The following WNT5A variants were observed in gnomAD, a reference collection of about 807,000 sequenced individuals.
WNT5A encodes Wnt family member 5A.
Under a neutral mutation model 42.1 loss-of-function variants are expected in WNT5A, and 9 were observed. That is an observed-to-expected ratio of 0.21 (90% CI 0.13 to 0.37). The LOEUF (loss-of-function observed/expected upper bound fraction) is 0.37, where lower values mean the gene tolerates loss of function less well. Among genes scored for constraint, WNT5A ranks in the 10% least tolerant of loss-of-function variants. WNT5A has a pLI of 1.00. For missense variants in WNT5A, 426 were observed against 534.0 expected, an observed-to-expected ratio of 0.80 and a Z score of 1.99; for synonymous variants, 210 against 210.0, an observed-to-expected ratio of 1.00 and a Z score of 0.00.
Position 55,467,892 on chromosome 3 carries a change from A to C in WNT5A, c.*2200T>G, listed in dbSNP as rs374485466. The C allele has an allele frequency of 3.7e-4, 57 of 152,344 alleles. No individual in the cohort carries two copies. The highest frequency in any genetic ancestry group is 1.3e-3 in the African/African-American group (53 of 41,586). 9.4% of individuals were successfully genotyped at this position (152,344 alleles called of 1,614,324 possible). A position where few individuals can be genotyped will look rare whatever the true frequency, so the allele number is the denominator to read the frequency against. The stretch of plus-strand genomic sequence containing the variant: ...ATGGTTTTTGTATAATAAAAACCAA[A>C]AAAGTGACATTTTAAACTAATTAGT... On this transcript the variant is annotated 3_prime_UTR_variant, in exon 5 of 5. Transcript: ENST00000264634.
chr3:55,476,710 C>T (rs1027654889), intron 3 of WNT5A, among the ~76,000 whole-genome samples: 5 of 152,194 alleles, frequency 3.3e-5, no homozygotes, highest in African/African-American at 7.2e-5. Flanking sequence ...GCAGGGTAAA[C>T]GTCAGTTTGA....
chr3:55,486,973 CACCT>C lies in WNT5A; in HGVS notation c.6+3_6+6del. The C allele has an allele frequency of 6.2e-7, 1 of 1,612,018 alleles. No homozygotes were observed. The highest frequency in any genetic ancestry group is 8.5e-7 in the Non-Finnish European group (1 of 1,178,786). The stretch of plus-strand genomic sequence containing the variant: ...AGAAAAAAAGTGGCAGCGCACTGAA[CACCT>C]ACCTTCATGGCGAGGGGGAGGGGGC... On this transcript the variant is annotated splice_donor_5th_base_variant and intron_variant, in intron 1 of 4. Coordinates refer to ENST00000264634, the MANE Select transcript of WNT5A (RefSeq NM_003392.7).
chr3:55,480,643 T>TA, intron 2 of WNT5A, 142 bp downstream of exon 2: 1 of 878,402 alleles, frequency 1.1e-6, no homozygotes, highest in African/African-American at 1.7e-5. Flanking sequence ...GATTTAAAAC[T>TA]ATATATAAGT....
the WNT5A span, among the ~76,000 whole-genome samples, chr3:55,502,604 T>C: frequency 6.6e-6 from 1 of 152,222 alleles, no homozygotes. Flanking sequence ...CCAAAAGTCC[T>C]AGTAGGTTTC....
intron 1 of WNT5A, among the ~76,000 whole-genome samples, chr3:55,484,899 G>A (rs1368858361): frequency 6.6e-6 from 1 of 152,196 alleles, no homozygotes; most frequent in African/African-American, 2.4e-5. Context: ...ATTAAAGTGA[G>A]GCGAAAAGCG....
chr3:55,496,725 A>G, the WNT5A span, among the ~76,000 whole-genome samples: 1 of 152,282 alleles, frequency 6.6e-6, no homozygotes, highest in South Asian at 2.1e-4. Flanking sequence ...CCATTCAAGG[A>G]GGTTTGAAAA....
upstream of WNT5A, chr3:55,489,293 GCACA>G (rs6147828): frequency 0.011 from 1,609 of 148,558 alleles, 10 homozygotes; most frequent in Admixed American, 0.025. Flanking sequence ...ACACACGCGC[GCACA>G]CACACACACA....
Position 55,474,641 on chromosome 3 carries a change from G to C in WNT5A, c.392-12C>G. The C allele has an allele frequency of 7.4e-7, 1 of 1,345,802 alleles. No homozygotes were observed. Among genetic ancestry groups the C allele is most frequent in the Non-Finnish European group, 9.5e-7 (1 of 1,051,972 alleles). 83.4% of individuals were successfully genotyped at this position (1,345,802 alleles called of 1,614,324 possible). ...CGTCTCGCGGCTGCCTGTGGGTGAG[G>C]ACAAGGGATCACTGGCCGCCTGCCT... On this transcript the variant is annotated splice_polypyrimidine_tract_variant and intron_variant, in intron 3 of 4. Transcript: ENST00000264634.
At chr3:55,478,757 T>C (rs1175645192) in intron 3 of WNT5A, among the ~76,000 whole-genome samples, 2 of 152,164 alleles carry the variant, frequency 1.3e-5, no homozygotes, top group Non-Finnish European at 2.9e-5. Flanking sequence ...AAACATAAAT[T>C]GGATCACTTT....
At chr3:55,498,255 G>T in the WNT5A span, among the ~76,000 whole-genome samples, 3 of 152,138 alleles carry the variant, frequency 2.0e-5, no homozygotes, top group East Asian at 5.8e-4. Flanking sequence ...CACCCATTCA[G>T]GGACTTGATT....
At chr3:55,480,748 A>G (rs1295261289) in intron 2 of WNT5A, 37 bp downstream of exon 2, 31 of 1,489,966 alleles carry the variant, frequency 2.1e-5, no homozygotes, top group Non-Finnish European at 2.6e-5. Context: ...AAAAAAAGAA[A>G]AAGAAGAGGA....
At chr3:55,486,216 G>A (rs2051575271) in intron 1 of WNT5A, among the ~76,000 whole-genome samples, 1 of 152,190 alleles carries the variant, frequency 6.6e-6, no homozygotes, top group African/African-American at 2.4e-5. Flanking sequence ...CGCTCAGGGG[G>A]CCGGGGAGCG....
At chr3:55,480,332 G>A (rs935995543) in intron 2 of WNT5A, among the ~76,000 whole-genome samples, 1 of 152,160 alleles carries the variant, frequency 6.6e-6, no homozygotes, top group African/African-American at 2.4e-5. Flanking sequence ...TTCTGCACTT[G>A]GAGTGTAGCT....
At chr3:55,496,517 G>T in the WNT5A span, among the ~76,000 whole-genome samples, 7 of 152,198 alleles carry the variant, frequency 4.6e-5, no homozygotes, top group African/African-American at 1.7e-4. Flanking sequence ...TACCTATTCC[G>T]GCAGGTACAT....
intron 2 of WNT5A, among the ~76,000 whole-genome samples, chr3:55,479,844 C>T (rs2051425154): frequency 6.6e-6 from 1 of 152,124 alleles, no homozygotes; most frequent in Non-Finnish European, 1.5e-5. Context: ...CCAGTATTTC[C>T]AAAATCCACT....
chr3:55,487,468 T>C (rs2051599860), upstream of WNT5A: 1 of 154,046 alleles, frequency 6.5e-6, no homozygotes, highest in Non-Finnish European at 1.4e-5. Context: ...TACTCAACTG[T>C]GGCCCGGGGC....
At position 55,466,738 on chromosome 3, in the gene WNT5A, A is replaced by AT. The variant is rs1476472402; in HGVS notation, c.*3353dup. 1 of 152,624 alleles carries AT rather than the reference A, an allele frequency of 6.6e-6. No individual in the cohort carries two copies. The highest frequency in any genetic ancestry group is 1.5e-5 in the Non-Finnish European group (1 of 68,038). The allele number at this position is 152,624 out of a possible 1,614,324, so 9.5% of individuals were successfully genotyped here. A position where few individuals can be genotyped will look rare whatever the true frequency, so the allele number is the denominator to read the frequency against. ...ATACGCTGACACTGCTAAATCGGGTATATGTTTTTGCAATAAAGAACACTG... is the reference window on the plus strand; with the variant it reads ...ATACGCTGACACTGCTAAATCGGGTATTATGTTTTTGCAATAAAGAACACTG... On this transcript the variant is annotated 3_prime_UTR_variant, in exon 5 of 5. Transcript: ENST00000264634.
At chr3:55,481,633 T>C (rs1293613628) in intron 1 of WNT5A, among the ~76,000 whole-genome samples, 3 of 152,132 alleles carry the variant, frequency 2.0e-5, no homozygotes, top group Non-Finnish European at 4.4e-5. Context: ...CCGGATTTCC[T>C]TAAGGACGTT....
In WNT5A at chr3:55,467,172, G is replaced by C. The variant is rs1161964463; in HGVS notation, c.*2920C>G. On this transcript the variant is annotated 3_prime_UTR_variant, in exon 5 of 5. Transcript: ENST00000264634. ...TAAATTCAAATAGAGAGGTGCAATA[G>C]TTGCAGTGGTAAACACACAAAAAAA... 2 of 152,312 alleles carry C rather than the reference G, an allele frequency of 1.3e-5. No homozygotes were observed. The highest frequency in any genetic ancestry group is 1.3e-4 in the Admixed American group (2 of 15,282). 9.4% of individuals were successfully genotyped at this position (152,312 alleles called of 1,614,324 possible).
Sources: gnomAD v4.1 joint callset for allele counts (sites outside exome capture counted in the v4.1 genomes callset) on GRCh38, gnomAD v4.1.1 for gene constraint, MANE v1.5 for transcripts, NCBI Gene and HGNC (gene_info 2026-07-23, HGNC 2026-07-21) for gene names.